Variants in ATP13A4 observed in about 807,000 individuals in gnomAD.
ATP13A4 encodes ATPase 13A4.
ATP13A4 carries 114 observed loss-of-function variants against 142.5 expected under a neutral mutation model. That is an observed-to-expected ratio of 0.80 (90% confidence interval 0.69 to 0.93). ATP13A4 has a LOEUF of 0.93. Ranked by LOEUF, ATP13A4 falls within the 40% of genes least tolerant of loss-of-function variation. The pLI, the probability that ATP13A4 is intolerant of heterozygous loss-of-function variation, is 0.00. For missense variants in ATP13A4, 1,392 were observed against 1,454.0 expected, an observed-to-expected ratio of 0.96 and a Z score of 0.69; for synonymous variants, 488 against 514.8, an observed-to-expected ratio of 0.95 and a Z score of 0.70.
chr3:193,442,576 T>C lies in ATP13A4; in HGVS notation c.2153-20A>G. 1.2e-6 allele frequency: 2 copies of C among 1,608,800 alleles called. No homozygotes were observed. Among genetic ancestry groups the C allele is most frequent in the Non-Finnish European group, 1.7e-6 (2 of 1,175,744 alleles). The stretch of plus-strand genomic sequence containing the variant: ...TGTCACCTAGAGGAAAGGAGGAGTA[T>C]CTCAAGATGAGGTTGACAAGATTGA... On this transcript the variant is annotated intron_variant, in intron 18 of 29. Coordinates refer to ENST00000342695, the MANE Select transcript of ATP13A4 (RefSeq NM_032279.4).
intron 1 of ATP13A4, among the ~76,000 whole-genome samples, chr3:193,527,521 A>G (rs1722073251): frequency 6.6e-6 from 1 of 151,810 alleles, no homozygotes; most frequent in Non-Finnish European, 1.5e-5. Context: ...CGGAGGCATG[A>G]GAATCACTTG....
At chr3:193,518,277 A>T (rs1325438823) in intron 1 of ATP13A4, among the ~76,000 whole-genome samples, 4 of 152,248 alleles carry the variant, frequency 2.6e-5, no homozygotes, top group Non-Finnish European at 5.9e-5. Flanking sequence ...ACAGCACTTC[A>T]AATGTATGAG....
chr3:193,404,355 A>AT (rs1304645919), intron 29 of ATP13A4, among the ~76,000 whole-genome samples: 1 of 152,074 alleles, frequency 6.6e-6, no homozygotes, highest in Non-Finnish European at 1.5e-5. Flanking sequence ...GACCTGTATC[A>AT]CCTTGCTGCT....
upstream of ATP13A4, among the ~76,000 whole-genome samples, chr3:193,558,366 G>T (rs1477372064): frequency 6.6e-6 from 1 of 152,196 alleles, no homozygotes; most frequent in Non-Finnish European, 1.5e-5. Flanking sequence ...AATGGCAGAT[G>T]AGGATTTGGT....
intron 19 of ATP13A4, 72 bp downstream of exon 19, chr3:193,442,317 CTAGG>C: frequency 6.9e-7 from 1 of 1,457,778 alleles, no homozygotes; most frequent in Admixed American, 1.7e-5. Context: ...TATGTTGACT[CTAGG>C]TCAAAGCTGC....
intron 25 of ATP13A4, among the ~76,000 whole-genome samples, chr3:193,429,445 T>C (rs1715853712): frequency 1.3e-5 from 2 of 152,154 alleles, no homozygotes; most frequent in South Asian, 4.1e-4. Flanking sequence ...ATACATATAA[T>C]GGAATATTAT....
intron 1 of ATP13A4, 136 bp from the exon 2 acceptor site, chr3:193,515,007 TG>T: frequency 2.4e-6 from 2 of 849,682 alleles, no homozygotes; most frequent in Non-Finnish European, 3.8e-6. Flanking sequence ...GGGTGAGGCA[TG>T]GAGAGAGTGG....
intron 1 of ATP13A4, 120 bp from the exon 2 acceptor site, chr3:193,514,991 A>C (rs940417629): frequency 9.3e-7 from 1 of 1,078,154 alleles, no homozygotes. Context: ...GGGTGAGGAG[A>C]GGGCAGGGTG....
At position 193,454,116 on chromosome 3, in the gene ATP13A4, G is replaced by T. The variant is rs1465440044; in HGVS notation, c.2012C>A (p.Ala671Asp). 1 of 1,612,044 alleles carries T rather than the reference G, an allele frequency of 6.2e-7. No individual in the cohort carries two copies. Among genetic ancestry groups the T allele is most frequent in the East Asian group, 2.2e-5 (1 of 44,870 alleles). The change falls in exon 17 of 30, where the codon GCT becomes GAT. Residue 671 changes from alanine (A) to aspartate (D), a missense_variant. Coordinates refer to ENST00000342695, the MANE Select transcript of ATP13A4 (RefSeq NM_032279.4). ...CCCCATTTACCTCGTCAAGGTAGTA[G>T]CGTGATGGTCATTTTCCAGCTTCTT... ...AYKKLENDHH[A>D]TTLTRETVES...
chr3:193,424,274 T>G (rs1236094641), intron 25 of ATP13A4, among the ~76,000 whole-genome samples: 2 of 148,544 alleles, frequency 1.3e-5, no homozygotes, highest in African/African-American at 4.9e-5. Flanking sequence ...ATCTACAGAT[T>G]CAATCCAATC....
chr3:193,482,307 T>C (rs1488757860), intron 8 of ATP13A4, among the ~76,000 whole-genome samples: 1 of 152,126 alleles, frequency 6.6e-6, no homozygotes, highest in Non-Finnish European at 1.5e-5. Flanking sequence ...TAGAACTACA[T>C]GTAAACCCTA....
chr3:193,529,414 C>T (rs1053399601), intron 1 of ATP13A4, among the ~76,000 whole-genome samples: 1 of 151,650 alleles, frequency 6.6e-6, no homozygotes. Flanking sequence ...TTAATATATA[C>T]ACTATATAAA....
intron 8 of ATP13A4, among the ~76,000 whole-genome samples, chr3:193,482,040 C>A (rs188654057): frequency 6.6e-6 from 1 of 152,154 alleles, no homozygotes; most frequent in East Asian, 1.9e-4. Flanking sequence ...ACTAACATTA[C>A]CCTATTTCAA....
Position 193,407,320 on chromosome 3 carries a change from A to T in ATP13A4, c.3371T>A (p.Val1124Glu). 6.2e-7 allele frequency: 1 copy of T among 1,611,880 alleles called. No individual in the cohort carries two copies. Reference sequence around the variant, plus strand: ...CAAGATCAGCACACTTACCTCGGCCACAAGGGACACAATGAAATTCAAGCT... The same window carrying T: ...CAAGATCAGCACACTTACCTCGGCCTCAAGGGACACAATGAAATTCAAGCT... ...MLSLNFIVSL[V>E]AEEAVIENRA... The change falls in exon 29 of 30, where the codon GTG (valine) becomes GAG (glutamate). Residue 1124 changes from valine (V) to glutamate (E), a missense_variant. Transcript: ENST00000342695.
intron 2 of ATP13A4, among the ~76,000 whole-genome samples, chr3:193,504,674 C>T (rs1488402719): frequency 6.6e-6 from 1 of 152,010 alleles, no homozygotes; most frequent in East Asian, 1.9e-4. Flanking sequence ...GATTGGACTG[C>T]CATTTTTATG....
chr3:193,497,442 G>T (rs1720307298), intron 3 of ATP13A4, among the ~76,000 whole-genome samples: 1 of 152,042 alleles, frequency 6.6e-6, no homozygotes, highest in African/African-American at 2.4e-5. Context: ...GATATAAAGA[G>T]ATGAAACTCT....
chr3:193,402,302 C>T lies in ATP13A4; in HGVS notation c.*350G>A, dbSNP rs746391065. 2.5e-5 allele frequency: 7 copies of T among 275,082 alleles called. No homozygotes were observed. The highest frequency in any genetic ancestry group is 4.9e-5 in the Non-Finnish European group (7 of 142,798). The allele number at this position is 275,082 out of a possible 1,614,324, so 17.0% of individuals were successfully genotyped here. A position where few individuals can be genotyped will look rare whatever the true frequency, so the allele number is the denominator to read the frequency against. On this transcript the variant is annotated 3_prime_UTR_variant, in exon 30 of 30. Coordinates refer to ENST00000342695, the MANE Select transcript of ATP13A4 (RefSeq NM_032279.4). The stretch of plus-strand genomic sequence containing the variant: ...GTGAGTATACACAGTACTACTTCCC[C>T]TCAACTCATTTTTATAAAAAGGAAA...
intron 18 of ATP13A4, among the ~76,000 whole-genome samples, chr3:193,445,752 T>C (rs985085856): frequency 1.3e-5 from 2 of 151,704 alleles, no homozygotes; most frequent in Non-Finnish European, 2.9e-5. Flanking sequence ...CAAGACTCTA[T>C]CTCAAAAAAT....
intron 11 of ATP13A4, 137 bp downstream of exon 11, chr3:193,465,888 G>A (rs1331563276): frequency 1.0e-6 from 1 of 965,474 alleles, no homozygotes; most frequent in African/African-American, 1.6e-5. Flanking sequence ...GGATCTGGAA[G>A]TCTATACGTA....
Sources: gnomAD v4.1 joint callset for allele counts (sites outside exome capture counted in the v4.1 genomes callset) on GRCh38, gnomAD v4.1.1 for gene constraint, MANE v1.5 for transcripts, NCBI Gene and HGNC (gene_info 2026-07-23, HGNC 2026-07-21) for gene names.